NLRP4: variants seen among roughly 807,000 people sequenced by gnomAD.
The protein encoded by NLRP4 is NACHT, LRR and PYD domains-containing protein 4.
In NLRP4, 44 loss-of-function variants were observed where a neutral mutation model predicts 84.7. That is an observed-to-expected ratio of 0.52 (90% CI 0.41 to 0.67). NLRP4 has a LOEUF of 0.67. NLRP4 is among the 30% of genes least tolerant of loss of function. NLRP4 has a pLI of 0.00. For missense variants in NLRP4, 1,260 were observed against 1,219.4 expected, an observed-to-expected ratio of 1.03 and a Z score of -0.50; for synonymous variants, 544 against 476.4, an observed-to-expected ratio of 1.14 and a Z score of -1.85.
chr19:55,858,258 G>A lies in NLRP4; in HGVS notation c.865G>A (p.Asp289Asn). The A allele has an allele frequency of 6.2e-7, 1 of 1,614,156 alleles. No homozygotes were observed. Residue 289 changes from aspartate (D) to asparagine (N), a missense_variant, in exon 3 of 10, where the codon GAT (aspartate) becomes AAT (asparagine). This residue lies in a region of NLRP4 where 712 missense variants were observed against 669.2 expected (regional missense o/e 1.06). Coordinates refer to ENST00000301295, the MANE Select transcript of NLRP4 (RefSeq NM_134444.5). The surrounding 1 kb of genome is among the most constrained non-coding windows in gnomAD (Gnocchi z 4.2). ...IKPVCPKELRDQVTISEIYQP... is the reference protein window; with the variant it reads ...IKPVCPKELRNQVTISEIYQP... Reference sequence around the variant, plus strand: ...ACCCGTGTGCCCGAAGGAGCTCCGGGATCAGGTGACGATCTCAGAAATCTA... The same window carrying A: ...ACCCGTGTGCCCGAAGGAGCTCCGGAATCAGGTGACGATCTCAGAAATCTA...
chr19:55,867,671 A>T (rs767611873), intron 5 of NLRP4, 38 bp from the exon 6 acceptor site: 1 of 1,588,030 alleles, frequency 6.3e-7, no homozygotes, highest in South Asian at 1.2e-5. Context: ...TCCAGGAACT[A>T]GAAACCAACA....
intron 1 of NLRP4, among the ~76,000 whole-genome samples, chr19:55,850,685 A>C (rs1364868817): frequency 1.9e-4 from 22 of 117,026 alleles, no homozygotes; most frequent in East Asian, 1.2e-3. Flanking sequence ...CTGCGGTGTA[A>C]TGTCCGTGGC....
At chr19:55,881,136 C>CGTGTGTGTGTGTGTGTGT (rs56806641) in intron 9 of NLRP4, among the ~76,000 whole-genome samples, 16,957 of 139,304 alleles carry the variant, frequency 0.12, 1,256 homozygotes, top group East Asian at 0.15. Flanking sequence ...GTGAGAGCCA[C>CGTGTGTGTGTGTGTGTGT]GTGTGTGTGT....
rs765929688 is a variant in NLRP4, at chr19:55,878,973, G to T, written c.2867+9G>T. On this transcript the variant is annotated intron_variant, in intron 9 of 9. Transcript: ENST00000301295. ...GCCCTGCAGGTGCTCGGGTGAGCTGGGGTCTGTTGTGCTCTATGGGCAGAG... is the reference window on the plus strand; with the variant it reads ...GCCCTGCAGGTGCTCGGGTGAGCTGTGGTCTGTTGTGCTCTATGGGCAGAG... The T allele has an allele frequency of 6.2e-7, 1 of 1,609,970 alleles. No individual in the cohort carries two copies. Among genetic ancestry groups the T allele is most frequent in the Non-Finnish European group, 8.5e-7 (1 of 1,176,982 alleles).
At chr19:55,881,311 A>G (rs983860688) in intron 9 of NLRP4, among the ~76,000 whole-genome samples, 159 bp from the exon 10 acceptor site, 4 of 152,208 alleles carry the variant, frequency 2.6e-5, no homozygotes, top group Admixed American at 6.5e-5. Context: ...GGTAACATTT[A>G]TCAGCATACC....
intron 1 of NLRP4, among the ~76,000 whole-genome samples, chr19:55,846,020 T>C (rs1217537203): frequency 6.6e-6 from 1 of 152,226 alleles, no homozygotes; most frequent in Non-Finnish European, 1.5e-5. Flanking sequence ...AGAAGCTCTT[T>C]AGTTTAATTA....
chr19:55,866,453 A>G lies in NLRP4; in HGVS notation c.2187-1256A>G, dbSNP rs148820236. Among the ~76,000 whole-genome samples, 313 of 152,304 alleles carry G rather than the reference A, an allele frequency of 2.1e-3. 2 individuals carry two copies. Among genetic ancestry groups the G allele is most frequent in the African/African-American group, 7.4e-3 (308 of 41,562 alleles). ...TTGCCAATTCCACATTTATTTCTGG[A>G]CAACTCCCATAATGGCTTTCATCTT... On this transcript the variant is annotated intron_variant, in intron 5 of 9. Coordinates refer to ENST00000301295, the MANE Select transcript of NLRP4 (RefSeq NM_134444.5).
chr19:55,851,525 ATTTACCGAGGCTGCGG>A (rs1196838111), intron 1 of NLRP4, among the ~76,000 whole-genome samples: 6 of 368 alleles, frequency 0.016, no homozygotes, highest in Non-Finnish European at 0.037. Flanking sequence ...CTGCGGTGTA[ATTTACCGAGGCTGCGG>A]TGTAATGTCC....
intron 7 of NLRP4, 97 bp downstream of exon 7, chr19:55,871,094 C>A: frequency 1.9e-6 from 2 of 1,055,822 alleles, no homozygotes; most frequent in Non-Finnish European, 2.8e-6. Context: ...GCTGTAGTGT[C>A]TGTGCCTGGG....
At chr19:55,859,349 A>C in intron 3 of NLRP4, 100 bp downstream of exon 3, 2 of 962,512 alleles carry the variant, frequency 2.1e-6, no homozygotes, top group South Asian at 3.8e-5. Flanking sequence ...ATGGTTAGAA[A>C]CTCATTTTTT....
At position 55,881,377 on chromosome 19, in the gene NLRP4, C is replaced by T. The variant is rs934770575; in HGVS notation, c.2868-93C>T. On this transcript the variant is annotated intron_variant, in intron 9 of 9. Transcript: ENST00000301295. Reference sequence around the variant, plus strand: ...GGAGGTAACACCAGGGTTTCCTAGGCTTGTCCTGGGATGAATTAGGGAGAA... The same window carrying T: ...GGAGGTAACACCAGGGTTTCCTAGGTTTGTCCTGGGATGAATTAGGGAGAA... The T allele has an allele frequency of 8.8e-6, 6 of 679,652 alleles. No individual in the cohort carries two copies. In the African/African-American group the frequency reaches 9.1e-5, roughly 10 times the overall value. 42.1% of individuals were successfully genotyped at this position (679,652 alleles called of 1,614,324 possible).
chr19:55,877,621 G>A (rs192232894), intron 8 of NLRP4, among the ~76,000 whole-genome samples: 2 of 152,128 alleles, frequency 1.3e-5, no homozygotes, highest in African/African-American at 2.4e-5. Flanking sequence ...TCACTTCACG[G>A]TTATGGAGGC....
chr19:55,875,312 A>G (rs969610095), intron 7 of NLRP4, among the ~76,000 whole-genome samples: 3 of 152,248 alleles, frequency 2.0e-5, no homozygotes, highest in Non-Finnish European at 2.9e-5. Context: ...ATTTGAATGT[A>G]CATAGAAAAA....
At chr19:55,845,123 C>A (rs1983745424) in intron 1 of NLRP4, among the ~76,000 whole-genome samples, 1 of 150,550 alleles carries the variant, frequency 6.6e-6, no homozygotes, top group African/African-American at 2.4e-5. Flanking sequence ...TGTGCTGCAC[C>A]CATTAACTCG....
At chr19:55,870,395 C>A (rs149719060) in intron 6 of NLRP4, among the ~76,000 whole-genome samples, 2 of 152,228 alleles carry the variant, frequency 1.3e-5, no homozygotes, top group Non-Finnish European at 2.9e-5. Context: ...GACGCGGTGG[C>A]TCACGCCTTG....
intron 7 of NLRP4, among the ~76,000 whole-genome samples, chr19:55,876,333 A>G (rs1416212277): frequency 6.6e-6 from 1 of 152,144 alleles, no homozygotes; most frequent in African/African-American, 2.4e-5. Flanking sequence ...TAGATGCTCA[A>G]GTTCCTAATG....
intron 9 of NLRP4, 42 bp from the exon 10 acceptor site, chr19:55,881,428 G>T (rs773118879): frequency 2.9e-6 from 3 of 1,030,128 alleles, no homozygotes; most frequent in South Asian, 1.3e-5. Context: ...AAGGGAAAAA[G>T]TATGTGAATT....
chr19:55,868,719 C>T lies in NLRP4; in HGVS notation c.2354+843C>T, dbSNP rs142132463. On this transcript the variant is annotated intron_variant, in intron 6 of 9. Coordinates refer to ENST00000301295, the MANE Select transcript of NLRP4 (RefSeq NM_134444.5). ...GTTTCTCCACGTTGGTCAGGCTGGT[C>T]TCGAGTGTGTCTATTTTTTAAATAC... Among the ~76,000 whole-genome samples the T allele has an allele frequency of 1.6e-3, 239 of 152,098 alleles. 1 individual carries two copies. The highest frequency in any genetic ancestry group is 5.4e-3 in the African/African-American group (225 of 41,488).
At chr19:55,860,192 G>A (rs959001634) in intron 3 of NLRP4, among the ~76,000 whole-genome samples, 7 of 151,876 alleles carry the variant, frequency 4.6e-5, no homozygotes, top group Admixed American at 2.6e-4. Flanking sequence ...TCACCGTGTT[G>A]GCCAGGATGG....
Sources: gnomAD v4.1 joint callset for allele counts (sites outside exome capture counted in the v4.1 genomes callset) on GRCh38, gnomAD v4.1.1 for gene constraint, gnomAD v4.1.1 regional missense constraint, Gnocchi (gnomAD v3.1) non-coding constraint, MANE v1.5 for transcripts, NCBI Gene and HGNC (gene_info 2026-07-23, HGNC 2026-07-21) for gene names.